The following CWC27 variants were observed in gnomAD, a reference collection of about 807,000 sequenced individuals.
CWC27 encodes CWC27 spliceosome associated cyclophilin.
CWC27 carries 47 observed loss-of-function variants against 63.6 expected under a neutral mutation model. The ratio of observed to expected loss-of-function variants is 0.74; its 90% CI spans 0.58 to 0.94. The LOEUF is 0.94. Ranked by LOEUF, CWC27 falls within the 40% of genes least tolerant of loss-of-function variation. The pLI, the probability that CWC27 is intolerant of heterozygous loss-of-function variation, is 0.00. For synonymous variants in CWC27, 175 were observed against 179.8 expected (o/e 0.97, Z 0.22); for missense variants, 495 against 554.3 (o/e 0.89, Z 1.07).
intron 10 of CWC27, among the ~76,000 whole-genome samples, chr5:64,868,843 C>T (rs1034206749): frequency 1.3e-5 from 2 of 152,000 alleles, no homozygotes; most frequent in South Asian, 2.1e-4. Context: ...TAAGCTGAAG[C>T]GTTGCCTCAT....
rs114818478 is a variant in CWC27 at position 64,860,692 on chromosome 5, T to A, written c.939-24751T>A. On this transcript the variant is annotated intron_variant, in intron 10 of 13. Coordinates refer to ENST00000381070, the MANE Select transcript of CWC27 (RefSeq NM_005869.4). ...TGAATGAGTATTTTGCATATATAAC[T>A]GTGTTTTAAAGTTATACTGTAAACA... 2.3e-3 allele frequency among the ~76,000 whole-genome samples: 343 copies of A among 152,328 alleles called. 1 individual carries two copies. The highest frequency in any genetic ancestry group is 7.8e-3 in the African/African-American group (326 of 41,574).
At chr5:64,806,433 G>A (rs1199376401) in intron 10 of CWC27, among the ~76,000 whole-genome samples, 1 of 152,142 alleles carries the variant, frequency 6.6e-6, no homozygotes, top group Non-Finnish European at 1.5e-5. Context: ...GGCAAAGTGT[G>A]CCTTTGTAAA....
chr5:64,968,151 T>A (rs1364532050), intron 11 of CWC27, among the ~76,000 whole-genome samples: 4 of 152,026 alleles, frequency 2.6e-5, no homozygotes, highest in Non-Finnish European at 5.9e-5. Flanking sequence ...GTAATATCAC[T>A]TGTCATCAGA....
intron 13 of CWC27, among the ~76,000 whole-genome samples, chr5:65,006,071 G>A (rs115269847): frequency 0.031 from 4,693 of 151,838 alleles, 191 homozygotes; most frequent in African/African-American, 0.088. Context: ...TGTGATTTTT[G>A]TGTTGCTTGT....
chr5:64,838,981 G>A (rs1341372944), intron 10 of CWC27, among the ~76,000 whole-genome samples: 1 of 152,150 alleles, frequency 6.6e-6, no homozygotes, highest in African/African-American at 2.4e-5. Context: ...AACAGGAAGT[G>A]AGAAGCTGTT....
At chr5:64,897,877 C>T (rs574365930) in intron 11 of CWC27, among the ~76,000 whole-genome samples, 45 of 152,228 alleles carry the variant, frequency 3.0e-4, no homozygotes, top group Admixed American at 2.5e-3. Context: ...GACCTAATAA[C>T]ATAAACTCAA....
chr5:64,933,759 G>A (rs548050631), intron 11 of CWC27, among the ~76,000 whole-genome samples: 5 of 152,146 alleles, frequency 3.3e-5, no homozygotes, highest in Admixed American at 2.0e-4. Context: ...CCAAAGTGCT[G>A]GGATTACAGG....
At position 64,801,290 on chromosome 5, in the gene CWC27, T is replaced by C; in HGVS notation, c.750-12T>C. ...TTGAAACTAAAATTTGTTTTGCTTA[T>C]TTTTTTTATAGTGAAAAAGGTGATG... On this transcript the variant is annotated splice_polypyrimidine_tract_variant and intron_variant, in intron 8 of 13. Transcript: ENST00000381070. 1.4e-6 allele frequency: 2 copies of C among 1,395,820 alleles called. No homozygotes were observed. Among genetic ancestry groups the C allele is most frequent in the Non-Finnish European group, 1.9e-6 (2 of 1,034,392 alleles). The allele number at this position is 1,395,820 out of a possible 1,614,324, so 86.5% of individuals were successfully genotyped here. A position where few individuals can be genotyped will look rare whatever the true frequency, so the allele number is the denominator to read the frequency against.
At chr5:64,891,040 A>G (rs1299093910) in intron 11 of CWC27, among the ~76,000 whole-genome samples, 3 of 152,222 alleles carry the variant, frequency 2.0e-5, no homozygotes, top group African/African-American at 4.8e-5. Flanking sequence ...ACACAAGAAC[A>G]TAAGAGTCAA....
chr5:64,932,193 G>A (rs1748251746), intron 11 of CWC27, among the ~76,000 whole-genome samples: 2 of 151,982 alleles, frequency 1.3e-5, no homozygotes, highest in South Asian at 4.1e-4. Context: ...TCTTAGGGTG[G>A]TTAAATAATT....
intron 11 of CWC27, among the ~76,000 whole-genome samples, chr5:64,926,090 A>G (rs1261480101): frequency 6.6e-6 from 1 of 152,040 alleles, no homozygotes; most frequent in African/African-American, 2.4e-5. Context: ...TTTAAAAGAC[A>G]TTTTTCTGGC....
intron 11 of CWC27, among the ~76,000 whole-genome samples, chr5:64,887,242 T>G (rs1747096880): frequency 6.6e-6 from 1 of 152,144 alleles, no homozygotes; most frequent in Admixed American, 6.5e-5. Flanking sequence ...AGTGCTAAGT[T>G]TATTTATTTG....
rs139585190 is a variant in CWC27, at chr5:64,953,137, G to A, written c.1043-18566G>A. On this transcript the variant is annotated intron_variant, in intron 11 of 13. Transcript: ENST00000381070. ...TTGCTGAAGATTTTGCCAGTCTGTG[G>A]TATGTATCTTGTGAAAATGCTTGGC... Among the ~76,000 whole-genome samples, 626 of 152,158 alleles carry A rather than the reference G, an allele frequency of 4.1e-3. 2 individuals carry two copies. Among genetic ancestry groups the A allele is most frequent in the African/African-American group, 0.014 (584 of 41,532 alleles).
At chr5:64,911,715 G>T (rs1005997822) in intron 11 of CWC27, among the ~76,000 whole-genome samples, 7 of 152,154 alleles carry the variant, frequency 4.6e-5, no homozygotes, top group Non-Finnish European at 1.0e-4. Flanking sequence ...GGGGATGTTT[G>T]TAAATATATC....
chr5:64,962,456 T>C (rs1748930947), intron 11 of CWC27, among the ~76,000 whole-genome samples: 1 of 152,162 alleles, frequency 6.6e-6, no homozygotes, highest in Non-Finnish European at 1.5e-5. Context: ...AGGGTTTTAA[T>C]CTCACATTTG....
chr5:64,861,162 G>T (rs971855991), intron 10 of CWC27, among the ~76,000 whole-genome samples: 1 of 151,848 alleles, frequency 6.6e-6, no homozygotes, highest in Admixed American at 6.6e-5. Context: ...GCTACCTTTG[G>T]TTTTTTCACA....
chr5:64,877,882 T>C (rs1412327685), intron 10 of CWC27, among the ~76,000 whole-genome samples: 1 of 151,900 alleles, frequency 6.6e-6, no homozygotes, highest in Non-Finnish European at 1.5e-5. Context: ...ATCTCTATAC[T>C]TCAGCTTTTT....
chr5:64,814,057 A>C (rs190592605), intron 10 of CWC27, among the ~76,000 whole-genome samples: 8 of 151,168 alleles, frequency 5.3e-5, no homozygotes, highest in African/African-American at 1.9e-4. Context: ...CTTTCTTAAA[A>C]CATTATGAGA....
intron 11 of CWC27, among the ~76,000 whole-genome samples, chr5:64,927,909 C>A (rs1748151028): frequency 6.6e-6 from 1 of 152,138 alleles, no homozygotes; most frequent in Non-Finnish European, 1.5e-5. Context: ...AATCCCAGCA[C>A]TTTGGGAGGC....
Sources: allele counts gnomAD v4.1 joint callset (sites outside exome capture counted in the v4.1 genomes callset), GRCh38; gene constraint gnomAD v4.1.1; transcripts MANE v1.5; gene names NCBI Gene and HGNC (gene_info 2026-07-23, HGNC 2026-07-21).